Variants in FUNDC2 observed in about 807,000 individuals in gnomAD.
The protein encoded by FUNDC2 is FUN14 domain containing 2.
FUNDC2 carries 4 observed loss-of-function variants against 15.6 expected under a neutral mutation model. The ratio of observed to expected loss-of-function variants is 0.26; its 90% CI spans 0.13 to 0.59. The LOEUF (loss-of-function observed/expected upper bound fraction) is 0.59. Ranked by LOEUF, FUNDC2 falls within the 20% of genes least tolerant of loss-of-function variation. The pLI, the probability that FUNDC2 is intolerant of heterozygous loss-of-function variation, is 0.90. For synonymous variants in FUNDC2, 44 were observed against 56.9 expected (o/e 0.77, Z 1.02); for missense variants, 98 against 149.7 (o/e 0.65, Z 1.80).
At chrX:155,036,314 T>A (rs1396364820) in intron 2 of FUNDC2, among the ~76,000 whole-genome samples, 1 of 112,889 alleles carries the variant, frequency 8.9e-6, no homozygotes, top group Non-Finnish European at 1.9e-5. Context: ...ATATCTTTGA[T>A]GACTTATTTG....
Position 155,054,633 on chromosome X carries a change from G to A in FUNDC2, c.531G>A (p.Gly177=), listed in dbSNP as rs1389820765. ...TGAAGAAGAATGTTCTAGTAACTGGGGGATTTTTCGGAGGCTTTCTGCTTG... is the reference window on the plus strand; with the variant it reads ...TGAAGAAGAATGTTCTAGTAACTGGAGGATTTTTCGGAGGCTTTCTGCTTG... ...SFVKKNVLVT[G]GFFGGFLLGM... is the part of the protein sequence containing the mutation. Residue 177 remains glycine (G), a synonymous_variant, in exon 5 of 5, where the codon GGG becomes GGA. Transcript: ENST00000369498. 1 of 1,208,910 alleles carries A rather than the reference G, an allele frequency of 8.3e-7. No homozygotes were observed. The highest frequency in any genetic ancestry group is 3.0e-5 in the East Asian group (1 of 33,743).
intron 3 of FUNDC2, chrX:155,051,143 G>T (rs1327027859): frequency 8.8e-6 from 1 of 114,210 alleles, no homozygotes; most frequent in Non-Finnish European, 1.8e-5. Context: ...AGGGAAATAG[G>T]TATATGCTGT....
chrX:155,031,766 A>C (rs1289698763), intron 1 of FUNDC2, among the ~76,000 whole-genome samples: 1 of 112,301 alleles, frequency 8.9e-6, no homozygotes, highest in Non-Finnish European at 1.9e-5. Context: ...GAAGTTGATC[A>C]TTTGAGGTCA....
intron 2 of FUNDC2, 109 bp from the exon 3 acceptor site, chrX:155,046,400 A>G: frequency 1.5e-6 from 1 of 656,329 alleles, no homozygotes; most frequent in East Asian, 3.2e-5. Flanking sequence ...AGGGGGTAGG[A>G]AGGAGCTAGG....
In FUNDC2 at chrX:155,051,918, GTA is replaced by G. The variant is rs1557290538; in HGVS notation, c.492+118_492+119del. 3.4e-5 allele frequency: 24 copies of G among 714,090 alleles called. No homozygotes were observed. In the African/African-American group the frequency reaches 5.2e-4, roughly 15 times the overall value. The allele number at this position is 714,090 out of a possible 1,213,427, so 58.8% of individuals were successfully genotyped here. On this transcript the variant is annotated intron_variant, in intron 4 of 4. Coordinates refer to ENST00000369498, the MANE Select transcript of FUNDC2 (RefSeq NM_023934.4). The stretch of plus-strand genomic sequence containing the variant: ...GCTTAAGCATTACAAAGAACTTAGA[GTA>G]ATGAGACAAAACTAACTTGGATTAT...
chrX:155,034,479 G>A (rs782213900), intron 2 of FUNDC2, among the ~76,000 whole-genome samples: 1 of 111,770 alleles, frequency 8.9e-6, no homozygotes, highest in Non-Finnish European at 1.9e-5. Flanking sequence ...ATGCTTATAT[G>A]AGTATTAGAT....
chrX:155,040,029 C>T (rs2073842481), intron 2 of FUNDC2, among the ~76,000 whole-genome samples: 1 of 111,655 alleles, frequency 9.0e-6, no homozygotes, highest in Non-Finnish European at 1.9e-5. Context: ...TTTCATCAGC[C>T]TTCTGTAGTT....
At chrX:155,046,398 G>T in intron 2 of FUNDC2, 111 bp from the exon 3 acceptor site, 1 of 647,764 alleles carries the variant, frequency 1.5e-6, no homozygotes, top group South Asian at 2.3e-5. Context: ...GTAGGGGGTA[G>T]GAAGGAGCTA....
intron 2 of FUNDC2, among the ~76,000 whole-genome samples, chrX:155,040,687 TA>T (rs782604010): frequency 8.9e-6 from 1 of 111,911 alleles, no homozygotes; most frequent in Non-Finnish European, 1.9e-5. Context: ...TTAGGTCTTC[TA>T]TTTTTTTGTA....
At chrX:155,053,929 G>A (rs2073886047) in intron 4 of FUNDC2, 1 of 753,836 alleles carries the variant, frequency 1.3e-6, no homozygotes, top group Non-Finnish European at 1.6e-6. Context: ...CACAGACTAA[G>A]GAGCCATAAA....
chrX:155,037,213 C>T (rs782320612), intron 2 of FUNDC2, among the ~76,000 whole-genome samples: 1 of 110,805 alleles, frequency 9.0e-6, no homozygotes, highest in South Asian at 3.8e-4. Flanking sequence ...TTGTTCATTG[C>T]TTGTATAGTA....
At position 155,057,037 on chromosome X, in the gene FUNDC2, C is replaced by CA. The variant is rs2073906279; in HGVS notation, c.*2366dup. 2 of 95,562 alleles carry CA rather than the reference C, an allele frequency of 2.1e-5. No individual in the cohort carries two copies. The highest frequency in any genetic ancestry group is 4.5e-3 in the Middle Eastern group (1 of 221). 7.9% of individuals were successfully genotyped at this position (95,562 alleles called of 1,213,427 possible). A position where few individuals can be genotyped will look rare whatever the true frequency, so the allele number is the denominator to read the frequency against. On this transcript the variant is annotated 3_prime_UTR_variant, in exon 5 of 5. Transcript: ENST00000369498. ...TGAGGTCAGTATTGCAGGTTGGCCT[C>CA]ATCCTGCTAGTATGAGAACGGCTGT...
At chrX:155,052,948 G>A (rs1447184128) in intron 4 of FUNDC2, among the ~76,000 whole-genome samples, 1 of 112,403 alleles carries the variant, frequency 8.9e-6, no homozygotes, top group Admixed American at 9.3e-5. Context: ...GCACAGTCAT[G>A]GCTCACTGTT....
In FUNDC2 at chrX:155,032,280, CTTTTTTTTTTTTTT is replaced by C. The variant is rs200923469; in HGVS notation, c.134-1113_134-1100del. Among the ~76,000 whole-genome samples, 497 of 62,741 alleles carry C rather than the reference CTTTTTTTTTTTTTT, an allele frequency of 7.9e-3. 16 individuals are homozygous for C. The East Asian group carries it at 0.19, about 23-fold the overall frequency. 54.5% of individuals were successfully genotyped at this position (62,741 alleles called of 115,157 possible). A position where few individuals can be genotyped will look rare whatever the true frequency, so the allele number is the denominator to read the frequency against. On this transcript the variant is annotated intron_variant, in intron 1 of 4. Coordinates refer to ENST00000369498, the MANE Select transcript of FUNDC2 (RefSeq NM_023934.4). ...CGTGAGCCACCACGCCTGGTGCCTT[CTTTTTTTTTTTTTT>C]TTTTTTTTTGAGATGGAGTCTCATT...
intron 2 of FUNDC2, among the ~76,000 whole-genome samples, chrX:155,044,955 A>T (rs782809278): frequency 2.2e-4 from 25 of 112,236 alleles, no homozygotes; most frequent in Admixed American, 2.8e-4. Context: ...ATATGGAAAC[A>T]TCCTAAGTGT....
At chrX:155,045,420 C>T (rs1557289947) in intron 2 of FUNDC2, among the ~76,000 whole-genome samples, 2 of 111,776 alleles carry the variant, frequency 1.8e-5, no homozygotes, top group Non-Finnish European at 3.8e-5. Context: ...TTATAGTAAC[C>T]ACTTTACTTG....
chrX:155,038,518 C>T (rs781900995), intron 2 of FUNDC2, among the ~76,000 whole-genome samples: 1 of 111,753 alleles, frequency 8.9e-6, no homozygotes, highest in Non-Finnish European at 1.9e-5. Flanking sequence ...TCCCCAACCG[C>T]CCCACCCCAC....
At position 155,056,195 on chromosome X, in the gene FUNDC2, A is replaced by G. The variant is rs781980803; in HGVS notation, c.*1523A>G. 2.7e-5 allele frequency: 3 copies of G among 112,173 alleles called. No individual in the cohort carries two copies. The highest frequency in any genetic ancestry group is 2.8e-4 in the East Asian group (1 of 3,607). The allele number at this position is 112,173 out of a possible 1,213,427, so 9.2% of individuals were successfully genotyped here. A position where few individuals can be genotyped will look rare whatever the true frequency, so the allele number is the denominator to read the frequency against. On this transcript the variant is annotated 3_prime_UTR_variant, in exon 5 of 5. Transcript: ENST00000369498. Reference sequence around the variant, plus strand: ...ATATAAAAGTAGAGAATATAGTACAATAATCCCCCTGTGTATCTATCACTC... The same window carrying G: ...ATATAAAAGTAGAGAATATAGTACAGTAATCCCCCTGTGTATCTATCACTC...
At position 155,027,827 on chromosome X, in the gene FUNDC2, C is replaced by G. The variant is rs782032796; in HGVS notation, c.133+756C>G. Among the ~76,000 whole-genome samples the G allele has an allele frequency of 3.0e-4, 33 of 111,848 alleles. 1 individual carries two copies. The highest frequency in any genetic ancestry group is 2.5e-3 in the Admixed American group (27 of 10,624). On this transcript the variant is annotated intron_variant, in intron 1 of 4. Transcript: ENST00000369498. ...GTGGAGGAGATACTATACTATGGTG[C>G]TCTACTGTGCGTCTCTTCCCATCTC...
Sources: allele counts gnomAD v4.1 joint callset (sites outside exome capture counted in the v4.1 genomes callset), GRCh38; gene constraint gnomAD v4.1.1; transcripts MANE v1.5; gene names NCBI Gene and HGNC (gene_info 2026-07-23, HGNC 2026-07-21).